SEC23IP: variants seen among roughly 807,000 people sequenced by gnomAD.
The protein encoded by SEC23IP is SEC23 interacting protein.
Under a neutral mutation model 113.4 loss-of-function variants are expected in SEC23IP, and 70 were observed. The observed-to-expected ratio is 0.62, with a 90% CI of 0.51 to 0.75. The LOEUF (loss-of-function observed/expected upper bound fraction) is 0.75. Ranked by LOEUF, SEC23IP falls within the 30% of genes least tolerant of loss-of-function variation. SEC23IP has a pLI of 0.00. For synonymous variants in SEC23IP, 398 were observed against 421.0 expected, an observed-to-expected ratio of 0.95 and a Z score of 0.67; for missense variants, 1,160 against 1,204.9, an observed-to-expected ratio of 0.96 and a Z score of 0.55.
chr10:119,931,071 T>C (rs1855581857), intron 15 of SEC23IP, among the ~76,000 whole-genome samples: 1 of 152,186 alleles, frequency 6.6e-6, no homozygotes, highest in Non-Finnish European at 1.5e-5. Flanking sequence ...ATGCGTTTGA[T>C]AACTCAGAGA....
chr10:119,910,756 C>T (rs1014369822), intron 5 of SEC23IP, among the ~76,000 whole-genome samples: 3 of 152,068 alleles, frequency 2.0e-5, no homozygotes, highest in Non-Finnish European at 4.4e-5. Context: ...AATCACAACT[C>T]GCTGCATCCT....
chr10:119,920,387 G>T (rs998152516), intron 11 of SEC23IP, among the ~76,000 whole-genome samples: 1 of 152,160 alleles, frequency 6.6e-6, no homozygotes, highest in African/African-American at 2.4e-5. Flanking sequence ...TGGTGCATCC[G>T]CATAACGGAG....
At chr10:119,913,945 A>G (rs1315139214) in intron 6 of SEC23IP, among the ~76,000 whole-genome samples, 1 of 151,632 alleles carries the variant, frequency 6.6e-6, no homozygotes, top group Non-Finnish European at 1.5e-5. Context: ...TGAGGTCAGG[A>G]GTTCGAGACC....
Position 119,932,915 on chromosome 10 carries a change from C to T in SEC23IP, c.2759-90C>T, listed in dbSNP as rs551687887. ...TCCTCAGGTTGCTACATGCGTCAAG[C>T]AGTATTCTCATTGAGCCCAGAAAGT... On this transcript the variant is annotated intron_variant, in intron 16 of 18. Transcript: ENST00000369075. The T allele has an allele frequency of 2.0e-4, 232 of 1,133,758 alleles. No homozygotes were observed. In the African/African-American group the frequency reaches 3.4e-3, roughly 17 times the overall value. 70.2% of individuals were successfully genotyped at this position (1,133,758 alleles called of 1,614,324 possible). A position where few individuals can be genotyped will look rare whatever the true frequency, so the allele number is the denominator to read the frequency against.
At chr10:119,930,756 G>A (rs923712106) in intron 15 of SEC23IP, among the ~76,000 whole-genome samples, 1 of 152,220 alleles carries the variant, frequency 6.6e-6, no homozygotes, top group Non-Finnish European at 1.5e-5. Context: ...GTAATGAACA[G>A]ACCATCAAGA....
chr10:119,904,718 G>C (rs1350214383), intron 4 of SEC23IP: 1 of 155,532 alleles, frequency 6.4e-6, no homozygotes, highest in East Asian at 1.9e-4. Context: ...GAAATTATAT[G>C]TTGTTTTATA....
At chr10:119,932,105 A>C in intron 15 of SEC23IP, 28 bp from the exon 16 acceptor site, 2 of 1,494,874 alleles carry the variant, frequency 1.3e-6, no homozygotes, top group African/African-American at 2.8e-5. Flanking sequence ...TGACTAATTA[A>C]CTTGTTGTGT....
rs113493290 is a variant in SEC23IP at position 119,894,474 on chromosome 10, T to C, written c.163+1529T>C. On this transcript the variant is annotated intron_variant, in intron 1 of 18. Transcript: ENST00000369075. ...ATTTGTTTATTCCACTGCACTAGGA[T>C]GTAAGACCATGAAAGCAAAAACTTA... 2.8e-3 allele frequency among the ~76,000 whole-genome samples: 426 copies of C among 152,358 alleles called. 3 individuals are homozygous for C. Among genetic ancestry groups the C allele is most frequent in the African/African-American group, 9.7e-3 (404 of 41,584 alleles).
At chr10:119,921,709 T>G (rs1383000614) in intron 12 of SEC23IP, among the ~76,000 whole-genome samples, 1 of 152,226 alleles carries the variant, frequency 6.6e-6, no homozygotes, top group African/African-American at 2.4e-5. Flanking sequence ...CTGGAAAATA[T>G]ACTTGTTTTA....
At chr10:119,922,070 A>G (rs1380934486) in intron 12 of SEC23IP, among the ~76,000 whole-genome samples, 1 of 152,088 alleles carries the variant, frequency 6.6e-6, no homozygotes. Context: ...TGTGCTGTCT[A>G]GTTGCGGGGA....
chr10:119,900,315 AAT>A (rs1564905290), intron 2 of SEC23IP, among the ~76,000 whole-genome samples: 4 of 150,006 alleles, frequency 2.7e-5, no homozygotes, highest in East Asian at 2.0e-4. Flanking sequence ...ATATATATAA[AAT>A]TTTTTTTTTT....
chr10:119,906,775 C>A (rs1038753367), intron 4 of SEC23IP, among the ~76,000 whole-genome samples: 6 of 151,718 alleles, frequency 4.0e-5, no homozygotes, highest in African/African-American at 1.2e-4. Flanking sequence ...AGGGTTTCAC[C>A]ATGTTGGCCA....
chr10:119,918,151 G>A, intron 9 of SEC23IP, 107 bp downstream of exon 9: 1 of 979,564 alleles, frequency 1.0e-6, no homozygotes, highest in Non-Finnish European at 1.5e-6. Context: ...CAGATTTTAA[G>A]TTTCAGAAAA....
At chr10:119,937,153 G>C (rs893859636) in intron 18 of SEC23IP, among the ~76,000 whole-genome samples, 7 of 151,656 alleles carry the variant, frequency 4.6e-5, no homozygotes, top group Non-Finnish European at 2.9e-5. Flanking sequence ...GGGATTACAG[G>C]CGTGAGCCAC....
intron 2 of SEC23IP, among the ~76,000 whole-genome samples, chr10:119,899,997 C>G (rs1356352954): frequency 6.6e-6 from 1 of 151,688 alleles, no homozygotes; most frequent in Non-Finnish European, 1.5e-5. Context: ...TTTCTCCTGC[C>G]CCTTCCTCCT....
chr10:119,904,224 G>A lies in SEC23IP; in HGVS notation c.1048G>A (p.Asp350Asn). 1 of 1,614,206 alleles carries A rather than the reference G, an allele frequency of 6.2e-7. No individual in the cohort carries two copies. Among genetic ancestry groups the A allele is most frequent in the South Asian group, 1.1e-5 (1 of 91,090 alleles). ...ACGCTGTACTTGGTTTTACAAGGGG[G>A]ACACAGATAGTCGATTTATTCCCTA... ...VRRCTWFYKGDTDSRFIPYTE... is the reference protein window; with the variant it reads ...VRRCTWFYKGNTDSRFIPYTE... The change falls in exon 4 of 19, where the codon GAC (aspartate) becomes AAC (asparagine). Residue 350 changes from aspartate to asparagine, a missense_variant. By Grantham distance (23) the Asp-to-Asn change is conservative. Coordinates refer to ENST00000369075, the MANE Select transcript of SEC23IP (RefSeq NM_007190.4).
intron 5 of SEC23IP, among the ~76,000 whole-genome samples, chr10:119,909,417 C>T (rs933767310): frequency 6.6e-6 from 1 of 152,080 alleles, no homozygotes; most frequent in African/African-American, 2.4e-5. Context: ...AGAACCCTGT[C>T]TCTATAAAAA....
rs1855653781 is a variant in SEC23IP, at chr10:119,932,909, G to A, written c.2759-96G>A. 12 of 1,088,586 alleles carry A rather than the reference G, an allele frequency of 1.1e-5. No individual in the cohort carries two copies. In the Admixed American group the frequency reaches 1.1e-4, roughly 10 times the overall value. 67.4% of individuals were successfully genotyped at this position (1,088,586 alleles called of 1,614,324 possible). A position where few individuals can be genotyped will look rare whatever the true frequency, so the allele number is the denominator to read the frequency against. The stretch of plus-strand genomic sequence containing the variant: ...GGTAGCTCCTCAGGTTGCTACATGC[G>A]TCAAGCAGTATTCTCATTGAGCCCA... On this transcript the variant is annotated intron_variant, in intron 16 of 18. Transcript: ENST00000369075.
intron 4 of SEC23IP, among the ~76,000 whole-genome samples, chr10:119,907,160 G>A (rs187317659): frequency 6.6e-6 from 1 of 151,828 alleles, no homozygotes; most frequent in Non-Finnish European, 1.5e-5. Flanking sequence ...GCCAGGTATG[G>A]TTATGCACGC....
Sources: allele counts gnomAD v4.1 joint callset (sites outside exome capture counted in the v4.1 genomes callset), GRCh38; gene constraint gnomAD v4.1.1; transcripts MANE v1.5; gene names NCBI Gene and HGNC (gene_info 2026-07-23, HGNC 2026-07-21).